ACVR2A: variants seen among roughly 807,000 people sequenced by gnomAD.
ACVR2A encodes the protein activin receptor type-2A.
A neutral mutation model predicts 61.4 loss-of-function variants in ACVR2A; 7 were observed. That is an observed-to-expected ratio of 0.11 (90% CI 0.06 to 0.21). The LOEUF (loss-of-function observed/expected upper bound fraction) is 0.21. Among genes scored for constraint, ACVR2A ranks in the 10% least tolerant of loss-of-function variants. The probability of loss-of-function intolerance (pLI) is 1.00; values close to 1 mark genes in which losing one functional copy is unlikely to be tolerated. For missense variants in ACVR2A, 322 were observed against 621.7 expected (o/e 0.52, Z 5.13); for synonymous variants, 193 against 208.3 (o/e 0.93, Z 0.63).
chr2:147,851,889 A>C (rs1685458119), intron 1 of ACVR2A, among the ~76,000 whole-genome samples: 1 of 152,020 alleles, frequency 6.6e-6, no homozygotes. Flanking sequence ...AAATTATTTC[A>C]CTTCTCTGAG....
chr2:147,882,316 C>T lies in ACVR2A; in HGVS notation c.56-13985C>T, dbSNP rs560852805. Among the ~76,000 whole-genome samples the T allele has an allele frequency of 7.2e-5, 11 of 152,304 alleles. No homozygotes were observed. The South Asian group carries it at 2.3e-3, about 32-fold the overall frequency. ...CTGTAATCCCAGCACTTTGGGAGGC[C>T]CAGTGGGGCGGATCACTTGAGGTCA... On this transcript the variant is annotated intron_variant, in intron 1 of 10. Coordinates refer to ENST00000241416, the MANE Select transcript of ACVR2A (RefSeq NM_001616.5).
intron 1 of ACVR2A, among the ~76,000 whole-genome samples, chr2:147,895,965 A>T (rs1051937212): frequency 1.3e-5 from 2 of 152,094 alleles, no homozygotes; most frequent in African/African-American, 4.8e-5. Context: ...ATGTTTGCTT[A>T]GTTTTTGTCC....
chr2:147,909,175 T>C (rs1469212), intron 4 of ACVR2A, among the ~76,000 whole-genome samples: 138,918 of 152,174 alleles, frequency 0.91, 64,515 homozygotes, highest in East Asian at 1. Context: ...TACTCCATTT[T>C]TCAAGGGTGT....
In ACVR2A at chr2:147,928,428, A is replaced by T. The variant is rs1687560528; in HGVS notation, c.*1154A>T. 1 of 151,952 alleles carries T rather than the reference A, an allele frequency of 6.6e-6. No individual in the cohort carries two copies. Among genetic ancestry groups the T allele is most frequent in the Non-Finnish European group, 1.5e-5 (1 of 67,852 alleles). The allele number at this position is 151,952 out of a possible 1,614,324, so 9.4% of individuals were successfully genotyped here. On this transcript the variant is annotated 3_prime_UTR_variant, in exon 11 of 11. Coordinates refer to ENST00000241416, the MANE Select transcript of ACVR2A (RefSeq NM_001616.5). ...CTGCTATGAGACTTGTAACTTTATCACTATACTTCTGCTTGGTGCCATCTT... is the reference window on the plus strand; with the variant it reads ...CTGCTATGAGACTTGTAACTTTATCTCTATACTTCTGCTTGGTGCCATCTT...
intron 8 of ACVR2A, among the ~76,000 whole-genome samples, chr2:147,922,519 T>G (rs1251124573): frequency 6.6e-6 from 1 of 152,158 alleles, no homozygotes; most frequent in African/African-American, 2.4e-5. Flanking sequence ...CAGAAGAATT[T>G]ATGAATAAAC....
In ACVR2A at chr2:147,885,648, T is replaced by A. The variant is rs908777534; in HGVS notation, c.56-10653T>A. Reference sequence around the variant, plus strand: ...ATGATGGTATTATGACTTCTAAAAGTATTGTTTCTCAGAACAACTTAAATG... The same window carrying A: ...ATGATGGTATTATGACTTCTAAAAGAATTGTTTCTCAGAACAACTTAAATG... On this transcript the variant is annotated intron_variant, in intron 1 of 10. Transcript: ENST00000241416. Among the ~76,000 whole-genome samples the A allele has an allele frequency of 2.3e-4, 35 of 152,266 alleles. No homozygotes were observed. In the Middle Eastern group the frequency reaches 0.01, roughly 44 times the overall value.
At chr2:147,852,144 T>C (rs1414523725) in intron 1 of ACVR2A, among the ~76,000 whole-genome samples, 3 of 152,078 alleles carry the variant, frequency 2.0e-5, no homozygotes, top group Non-Finnish European at 2.9e-5. Flanking sequence ...ATCTTAGGTA[T>C]CCTCATGTTC....
In ACVR2A at chr2:147,899,892, A is replaced by T; in HGVS notation, c.522A>T (p.Pro174=). 1 of 1,613,146 alleles carries T rather than the reference A, an allele frequency of 6.2e-7. No individual in the cohort carries two copies. ...HKMAYPPVLV[P]TQDPGPPPPS... ...TGGCCTACCCTCCTGTACTTGTTCCAACTCAAGTAAGTTATTGTCCTGTAC... is the reference window on the plus strand; with the variant it reads ...TGGCCTACCCTCCTGTACTTGTTCCTACTCAAGTAAGTTATTGTCCTGTAC... The change falls in exon 4 of 11, where the codon CCA becomes CCT. Residue 174 remains proline, a synonymous_variant. Transcript: ENST00000241416.
At chr2:147,870,202 A>G (rs1252609885) in intron 1 of ACVR2A, among the ~76,000 whole-genome samples, 1 of 152,134 alleles carries the variant, frequency 6.6e-6, no homozygotes, top group Non-Finnish European at 1.5e-5. Context: ...TCTGACCTAT[A>G]AGAAAACCTT....
At chr2:147,847,650 C>T (rs1055692310) in intron 1 of ACVR2A, among the ~76,000 whole-genome samples, 1 of 152,118 alleles carries the variant, frequency 6.6e-6, no homozygotes, top group East Asian at 1.9e-4. Context: ...GCAGACTATT[C>T]CTGTAGGATA....
chr2:147,853,636 C>T (rs1027798850), intron 1 of ACVR2A, among the ~76,000 whole-genome samples: 1 of 152,020 alleles, frequency 6.6e-6, no homozygotes, highest in Admixed American at 6.6e-5. Context: ...AGAGTTACTA[C>T]ATTAGAAGGA....
At chr2:147,913,017 G>T (rs1687154705) in intron 4 of ACVR2A, among the ~76,000 whole-genome samples, 1 of 151,692 alleles carries the variant, frequency 6.6e-6, no homozygotes, top group African/African-American at 2.4e-5. Context: ...AATAATGATA[G>T]CTTAGAAACT....
chr2:147,849,359 T>C (rs1414331146), intron 1 of ACVR2A, among the ~76,000 whole-genome samples: 1 of 152,228 alleles, frequency 6.6e-6, no homozygotes, highest in Non-Finnish European at 1.5e-5. Flanking sequence ...ATATGTTCAC[T>C]ATTACATGTT....
intron 1 of ACVR2A, among the ~76,000 whole-genome samples, chr2:147,856,001 A>G (rs577240183): frequency 2.0e-5 from 3 of 152,274 alleles, no homozygotes; most frequent in Non-Finnish European, 1.5e-5. Context: ...AACTCAGTGT[A>G]TTTTATATCT....
chr2:147,890,857 G>T (rs925572383), intron 1 of ACVR2A, among the ~76,000 whole-genome samples: 2 of 151,926 alleles, frequency 1.3e-5, no homozygotes, highest in Non-Finnish European at 2.9e-5. Flanking sequence ...GACTTGATGG[G>T]ATAGAGACTG....
chr2:147,914,789 A>G (rs1172096093), intron 4 of ACVR2A, among the ~76,000 whole-genome samples: 1 of 151,990 alleles, frequency 6.6e-6, no homozygotes. Context: ...GCTGATATAT[A>G]GTCATAATTT....
intron 1 of ACVR2A, among the ~76,000 whole-genome samples, chr2:147,852,709 T>C (rs1338177070): frequency 6.6e-6 from 1 of 152,056 alleles, no homozygotes; most frequent in Non-Finnish European, 1.5e-5. Context: ...GATTTTTTAA[T>C]TTAGGAAAGA....
chr2:147,879,739 AGTGACTT>A (rs1182309496), intron 1 of ACVR2A, among the ~76,000 whole-genome samples: 2 of 152,266 alleles, frequency 1.3e-5, no homozygotes, highest in Admixed American at 1.3e-4. Flanking sequence ...AAGTTGGGGT[AGTGACTT>A]GATTTTGTTT....
At chr2:147,874,155 T>C (rs1404102562) in intron 1 of ACVR2A, among the ~76,000 whole-genome samples, 1 of 151,928 alleles carries the variant, frequency 6.6e-6, no homozygotes, top group African/African-American at 2.4e-5. Context: ...TGATAGGGAC[T>C]TTGGTCACAG....
Sources: gnomAD v4.1 joint callset for allele counts (sites outside exome capture counted in the v4.1 genomes callset) on GRCh38, gnomAD v4.1.1 for gene constraint, MANE v1.5 for transcripts, NCBI Gene and HGNC (gene_info 2026-07-23, HGNC 2026-07-21) for gene names.